TDRD9: variants seen among roughly 807,000 people sequenced by gnomAD.
TDRD9 encodes the protein tudor domain containing 9.
In TDRD9, 124 loss-of-function variants were observed where a neutral mutation model predicts 172.6. That is an observed-to-expected ratio of 0.72 (90% confidence interval 0.62 to 0.83). TDRD9 has a LOEUF of 0.83. TDRD9 is among the 40% of genes least tolerant of loss of function. The pLI is 0.00. For missense variants in TDRD9, 1,479 were observed against 1,714.1 expected, an observed-to-expected ratio of 0.86 and a Z score of 2.42; for synonymous variants, 619 against 617.1, an observed-to-expected ratio of 1.00 and a Z score of -0.05.
At chr14:103,986,716 C>G (rs1446230756) in intron 8 of TDRD9, among the ~76,000 whole-genome samples, 8 of 152,214 alleles carry the variant, frequency 5.3e-5, no homozygotes, top group African/African-American at 1.9e-4. Flanking sequence ...CCTAAGCAAT[C>G]TCCTTCTGTA....
chr14:103,982,398 G>A (rs2033508417), intron 7 of TDRD9, among the ~76,000 whole-genome samples: 1 of 152,144 alleles, frequency 6.6e-6, no homozygotes, highest in Admixed American at 6.5e-5. Flanking sequence ...AGGGTCCCTA[G>A]TGACCTCCTT....
At chr14:103,973,152 TTTA>T (rs1323632471) in intron 6 of TDRD9, among the ~76,000 whole-genome samples, 3 of 152,240 alleles carry the variant, frequency 2.0e-5, no homozygotes, top group African/African-American at 7.2e-5. Flanking sequence ...GTGTTCATGA[TTTA>T]TTAACAAATA....
At chr14:104,049,441 G>A in intron 34 of TDRD9, 167 bp from the exon 35 acceptor site, 1 of 516,384 alleles carries the variant, frequency 1.9e-6, no homozygotes, top group Non-Finnish European at 3.3e-6. Flanking sequence ...ATATGCCATA[G>A]ATTAAAATAT....
rs749427320 is a variant in TDRD9 at position 104,006,771 on chromosome 14, T to C, written c.1944-11T>C. ...TTAATGGTATTGAATGACACTGTTATCTGTTTATAGGAACAAAGTGAATTT... is the reference window on the plus strand; with the variant it reads ...TTAATGGTATTGAATGACACTGTTACCTGTTTATAGGAACAAAGTGAATTT... On this transcript the variant is annotated splice_polypyrimidine_tract_variant and intron_variant, in intron 17 of 35. Transcript: ENST00000409874. The C allele has an allele frequency of 3.1e-6, 5 of 1,613,492 alleles. No individual in the cohort carries two copies. The highest frequency in any genetic ancestry group is 2.7e-5 in the African/African-American group (2 of 74,954).
intron 1 of TDRD9, among the ~76,000 whole-genome samples, chr14:103,946,330 A>G (rs965122648): frequency 6.6e-6 from 1 of 152,196 alleles, no homozygotes; most frequent in African/African-American, 2.4e-5. Flanking sequence ...ATTTTTCTTA[A>G]GGTAAAAAGT....
intron 11 of TDRD9, among the ~76,000 whole-genome samples, chr14:103,994,861 G>C (rs1407657064): frequency 6.6e-6 from 1 of 151,882 alleles, no homozygotes; most frequent in Non-Finnish European, 1.5e-5. Context: ...AGGCTGAGGT[G>C]GGAGACTTGT....
At chr14:104,020,744 C>T (rs923582528) in intron 23 of TDRD9, among the ~76,000 whole-genome samples, 6 of 152,068 alleles carry the variant, frequency 3.9e-5, no homozygotes, top group South Asian at 2.1e-4. Flanking sequence ...CATTACAGGA[C>T]GATTTTTATA....
intron 13 of TDRD9, among the ~76,000 whole-genome samples, chr14:104,001,391 G>C (rs1358971478): frequency 1.3e-5 from 2 of 152,198 alleles, no homozygotes; most frequent in Non-Finnish European, 2.9e-5. Flanking sequence ...GCCAATACAA[G>C]CTGCACGTAG....
intron 3 of TDRD9, among the ~76,000 whole-genome samples, chr14:103,963,524 A>T (rs1272457837): frequency 6.6e-6 from 1 of 152,166 alleles, no homozygotes; most frequent in Non-Finnish European, 1.5e-5. Flanking sequence ...TCACTGCTAA[A>T]TGTTTTTATG....
rs1220434687 is a variant in TDRD9 at position 103,981,093 on chromosome 14, G to A, written c.1012-5124G>A. Among the ~76,000 whole-genome samples the A allele has an allele frequency of 3.3e-5, 5 of 151,900 alleles. No individual in the cohort carries two copies. In the East Asian group the frequency reaches 5.8e-4, roughly 18 times the overall value. On this transcript the variant is annotated intron_variant, in intron 7 of 35. Coordinates refer to ENST00000409874, the MANE Select transcript of TDRD9 (RefSeq NM_153046.3). ...TTATACTGGAACAGCTCGTGCCCTC[G>A]GTCTCTTGCCTCGGCACCTGGGTGG...
chr14:103,950,318 G>GAC (rs1436081035), intron 1 of TDRD9, among the ~76,000 whole-genome samples: 1 of 151,616 alleles, frequency 6.6e-6, no homozygotes, highest in Non-Finnish European at 1.5e-5. Context: ...TTGAACTCCC[G>GAC]ACCTCAGGTG....
At chr14:104,046,194 A>T (rs1459993647) in intron 34 of TDRD9, among the ~76,000 whole-genome samples, 1 of 152,196 alleles carries the variant, frequency 6.6e-6, no homozygotes, top group Non-Finnish European at 1.5e-5. Context: ...TGACGTCGTG[A>T]TCTGCCCGCC....
chr14:104,017,955 GTT>G, intron 22 of TDRD9, 135 bp from the exon 23 acceptor site: 1 of 616,008 alleles, frequency 1.6e-6, no homozygotes, highest in Non-Finnish European at 2.9e-6. Flanking sequence ...GATCTGTAGA[GTT>G]TATATATTAT....
intron 1 of TDRD9, chr14:103,928,936 T>C (rs1212602482): frequency 1.2e-5 from 3 of 249,944 alleles, no homozygotes; most frequent in African/African-American, 7.0e-5. Context: ...TTTTTTTTTT[T>C]TTTTTTTTTC....
At chr14:103,989,717 C>T (rs558304520) in intron 8 of TDRD9, among the ~76,000 whole-genome samples, 11 of 152,354 alleles carry the variant, frequency 7.2e-5, no homozygotes, top group African/African-American at 2.6e-4. Flanking sequence ...TGGCATCCAG[C>T]AGTGGTAGCA....
chr14:104,041,141 G>A (rs1030126376), intron 33 of TDRD9, among the ~76,000 whole-genome samples: 2 of 152,184 alleles, frequency 1.3e-5, no homozygotes, highest in African/African-American at 4.8e-5. Context: ...GACAGCTGCC[G>A]ATGCTCCGGG....
chr14:103,975,443 G>C lies in TDRD9; in HGVS notation c.901G>C (p.Val301Leu), dbSNP rs767738290. 1 of 1,613,874 alleles carries C rather than the reference G, an allele frequency of 6.2e-7. No individual in the cohort carries two copies. The highest frequency in any genetic ancestry group is 2.2e-5 in the East Asian group (1 of 44,866). Reference protein sequence around the residue: ...SCKEFADYFAVPVQNKMNPAY... With the variant: ...SCKEFADYFALPVQNKMNPAY... ...TAAAGAGTTTGCAGACTACTTTGCT[G>C]TTCCTGTTCAAAACAAGATGAATCC... is the stretch of plus-strand genomic sequence containing the variant. The change falls in exon 7 of 36, where the codon GTT (valine) becomes CTT (leucine). Residue 301 changes from valine (V) to leucine (L), a missense_variant. Transcript: ENST00000409874.
In TDRD9 at chr14:103,928,531, G is replaced by C. The variant is rs2030122694; in HGVS notation, c.22G>C (p.Glu8Gln). ...GAGGATGCTGCGGAAGCTCACCATCGAGCAGATCAACGACTGGTTCACCAT... is the reference window on the plus strand; with the variant it reads ...GAGGATGCTGCGGAAGCTCACCATCCAGCAGATCAACGACTGGTTCACCAT... MLRKLTI[E>Q]QINDWFTIGK... is the part of the protein sequence containing the mutation. Residue 8 changes from glutamate to glutamine, a missense_variant, in exon 1 of 36, where the codon GAG becomes CAG. Physicochemically the swap from Glu to Gln is conservative, Grantham distance 29. Around this residue, in one of 3 missense-constraint regions of TDRD9, gnomAD observed 63 missense variants for 48.4 expected, o/e 1.30. Coordinates refer to ENST00000409874, the MANE Select transcript of TDRD9 (RefSeq NM_153046.3). 4 of 1,410,170 alleles carry C rather than the reference G, an allele frequency of 2.8e-6. No individual in the cohort carries two copies. The highest frequency in any genetic ancestry group is 3.7e-6 in the Non-Finnish European group (4 of 1,071,332). 87.4% of individuals were successfully genotyped at this position (1,410,170 alleles called of 1,614,324 possible).
chr14:103,998,407 C>T (rs1249288855), intron 12 of TDRD9, among the ~76,000 whole-genome samples: 1 of 152,070 alleles, frequency 6.6e-6, no homozygotes, highest in African/African-American at 2.4e-5. Flanking sequence ...GTTATGCATT[C>T]TTTACACCTA....
Sources: allele counts gnomAD v4.1 joint callset (sites outside exome capture counted in the v4.1 genomes callset), GRCh38; gene constraint gnomAD v4.1.1; regional missense constraint gnomAD v4.1.1; transcripts MANE v1.5; gene names NCBI Gene and HGNC (gene_info 2026-07-23, HGNC 2026-07-21).